Variants in DST observed in about 807,000 individuals in gnomAD.
The protein encoded by DST is dystonin.
Under a neutral mutation model 875.2 loss-of-function variants are expected in DST, and 253 were observed. That is an observed-to-expected ratio of 0.29 (90% confidence interval 0.26 to 0.32). DST has a LOEUF of 0.32. DST is among the 10% of genes least tolerant of loss of function. The probability of loss-of-function intolerance (pLI) is 1.00; values close to 1 mark genes in which losing one functional copy is unlikely to be tolerated. For synonymous variants in DST, 3,124 were observed against 3,197.1 expected (o/e 0.98, Z 0.77); for missense variants, 8,287 against 9,111.6 (o/e 0.91, Z 3.68).
chr6:56,721,004 G>A (rs374247248), intron 5 of DST, among the ~76,000 whole-genome samples: 32 of 146,098 alleles, frequency 2.2e-4, no homozygotes, highest in African/African-American at 2.4e-4. Flanking sequence ...CAGACGGGGC[G>A]GCTGCCGGGC....
intron 3 of DST, among the ~76,000 whole-genome samples, chr6:56,852,614 G>A (rs1265159755): frequency 1.3e-5 from 2 of 152,152 alleles, no homozygotes; most frequent in Admixed American, 6.5e-5. Flanking sequence ...TATTTACAGA[G>A]CCACTGGCTT....
chr6:56,716,880 C>T (rs939907598), intron 5 of DST, among the ~76,000 whole-genome samples: 2 of 152,092 alleles, frequency 1.3e-5, no homozygotes, highest in Non-Finnish European at 2.9e-5. Context: ...GTGTTCGATT[C>T]TTATAACAAG....
intron 53 of DST, among the ~76,000 whole-genome samples, chr6:56,571,289 T>C (rs1332341222): frequency 6.6e-6 from 1 of 152,166 alleles, no homozygotes; most frequent in Non-Finnish European, 1.5e-5. Flanking sequence ...TTGGACCCAT[T>C]TGAAAGAAGA....
intron 66 of DST, 106 bp downstream of exon 66, chr6:56,529,342 C>G (rs1306089209): frequency 1.6e-5 from 15 of 944,906 alleles, no homozygotes; most frequent in Non-Finnish European, 2.2e-5. Context: ...TTAAGTACAG[C>G]AATTCATCGA....
At chr6:56,781,187 A>G (rs1017184217) in intron 4 of DST, among the ~76,000 whole-genome samples, 6 of 152,202 alleles carry the variant, frequency 3.9e-5, no homozygotes, top group Non-Finnish European at 7.3e-5. Context: ...CTTTCGGCTT[A>G]GGATTGACTT....
chr6:56,503,058 A>G (rs1294385373), intron 78 of DST, among the ~76,000 whole-genome samples: 2 of 152,110 alleles, frequency 1.3e-5, no homozygotes, highest in South Asian at 2.1e-4. Context: ...GAAAACAACA[A>G]ACATTTACAA....
intron 39 of DST, among the ~76,000 whole-genome samples, chr6:56,609,986 T>C (rs1356240855): frequency 6.6e-6 from 1 of 152,214 alleles, no homozygotes; most frequent in Non-Finnish European, 1.5e-5. Context: ...TTTAAGAAGA[T>C]GCTAGGGCAT....
chr6:56,606,904 G>A lies in DST; in HGVS notation c.7724C>T (p.Thr2575Ile), dbSNP rs767783291. 5 of 1,613,268 alleles carry A rather than the reference G, an allele frequency of 3.1e-6. No individual in the cohort carries two copies. In the Admixed American group the frequency reaches 8.3e-5, roughly 27 times the overall value. The stretch of plus-strand genomic sequence containing the variant: ...TTCATCAAGCAATGGTGTAGCACAA[G>A]TAAGAGACACAATGGCATTATCAGT... ...GDTDNAIVSL[T>I]CATPLLDETI... is the part of the protein sequence containing the mutation. The change falls in exon 40 of 104, where the codon ACT (threonine) becomes ATT (isoleucine). Residue 2575 changes from threonine to isoleucine, a missense_variant. By Grantham distance (89) the Thr-to-Ile change is moderately conservative. This residue lies in a region of DST where 3,138 missense variants were observed against 3,116.6 expected (regional missense o/e 1.01). Transcript: ENST00000680361.
chr6:56,797,775 G>A (rs193187123), intron 4 of DST, among the ~76,000 whole-genome samples: 74 of 140,350 alleles, frequency 5.3e-4, no homozygotes, highest in African/African-American at 1.6e-3. Flanking sequence ...CCGAGATTGC[G>A]CCATTGCACT....
intron 48 of DST, among the ~76,000 whole-genome samples, chr6:56,592,889 T>C (rs1023293998): frequency 5.9e-5 from 9 of 151,950 alleles, no homozygotes; most frequent in African/African-American, 1.9e-4. Context: ...ATTTTTTTTT[T>C]TCAAAAAAAA....
At chr6:56,908,662 C>T (rs764951667) in intron 2 of DST, among the ~76,000 whole-genome samples, 51 of 152,090 alleles carry the variant, frequency 3.4e-4, no homozygotes, top group African/African-American at 8.2e-4. Flanking sequence ...CATTCCCAGA[C>T]GGTTAAAGCA....
chr6:56,616,712 C>A (rs140152012), intron 36 of DST: 5 of 1,614,184 alleles, frequency 3.1e-6, no homozygotes, highest in Non-Finnish European at 4.2e-6. Context: ...AATGACACCC[C>A]CACTGGCAAT....
chr6:56,741,947 G>C (rs1279484666), intron 4 of DST, among the ~76,000 whole-genome samples: 1 of 152,078 alleles, frequency 6.6e-6, no homozygotes, highest in African/African-American at 2.4e-5. Context: ...AACAGAATTG[G>C]GGGGGAACAA....
intron 5 of DST, among the ~76,000 whole-genome samples, chr6:56,710,849 T>C (rs77799377): frequency 0.02 from 3,019 of 152,294 alleles, 93 homozygotes; most frequent in African/African-American, 0.068. Flanking sequence ...CAGGGAAATA[T>C]CCTTATTTGG....
rs776138750 is a variant in DST at position 56,954,596 on chromosome 6, C to T, written c.-9G>A. The T allele has an allele frequency of 1.3e-5, 17 of 1,345,798 alleles. No homozygotes were observed. Among genetic ancestry groups the T allele is most frequent in the Non-Finnish European group, 6.9e-6 (7 of 1,011,376 alleles). The allele number at this position is 1,345,798 out of a possible 1,614,324, so 83.4% of individuals were successfully genotyped here. A position where few individuals can be genotyped will look rare whatever the true frequency, so the allele number is the denominator to read the frequency against. ...AAAGCCGCGGCGATCATGGTGCGGG[C>T]GAGGCGAGGGCGACTCGACGGCGGG... On this transcript the variant is annotated 5_prime_UTR_variant, in exon 1 of 104. Coordinates refer to ENST00000680361, the MANE Select transcript of DST (RefSeq NM_001374736.1).
intron 3 of DST, among the ~76,000 whole-genome samples, chr6:56,854,090 T>C (rs1201698559): frequency 6.6e-6 from 1 of 152,190 alleles, no homozygotes; most frequent in East Asian, 1.9e-4. Context: ...GTAGGCCCAT[T>C]TGAACCCTGA....
At chr6:56,866,612 AC>A (rs1308419482) in intron 3 of DST, among the ~76,000 whole-genome samples, 2 of 152,078 alleles carry the variant, frequency 1.3e-5, no homozygotes, top group Non-Finnish European at 2.9e-5. Flanking sequence ...GCCTTATGTA[AC>A]TTTACCCTCC....
chr6:56,897,894 T>C (rs921305213), intron 3 of DST, among the ~76,000 whole-genome samples: 3 of 152,120 alleles, frequency 2.0e-5, no homozygotes, highest in Non-Finnish European at 2.9e-5. Context: ...ACCATCCTTG[T>C]GGAAGGGCTC....
intron 87 of DST, 127 bp from the exon 88 acceptor site, chr6:56,485,598 G>C: frequency 2.2e-6 from 2 of 912,402 alleles, no homozygotes; most frequent in Non-Finnish European, 3.2e-6. Context: ...GGTATTCATT[G>C]TTGTTTCTTT....
Sources: allele counts gnomAD v4.1 joint callset (sites outside exome capture counted in the v4.1 genomes callset), GRCh38; gene constraint gnomAD v4.1.1; regional missense constraint gnomAD v4.1.1; transcripts MANE v1.5; gene names NCBI Gene and HGNC (gene_info 2026-07-23, HGNC 2026-07-21).